The following TRIM8 variants were observed in gnomAD, a reference collection of about 807,000 sequenced individuals.
TRIM8 encodes tripartite motif containing 8.
A neutral mutation model predicts 55.7 loss-of-function variants in TRIM8; 9 were observed. The ratio of observed to expected loss-of-function variants is 0.16; its 90% confidence interval spans 0.10 to 0.28. The LOEUF is 0.28. TRIM8 is among the 10% of genes least tolerant of loss of function. The pLI is 1.00. For missense variants in TRIM8, 556 were observed against 736.4 expected, an observed-to-expected ratio of 0.76 and a Z score of 2.83; for synonymous variants, 335 against 333.3, an observed-to-expected ratio of 1.01 and a Z score of -0.06.
At chr10:102,655,973 A>C in intron 3 of TRIM8, 133 bp from the exon 4 acceptor site, 2 of 1,326,636 alleles carry the variant, frequency 1.5e-6, no homozygotes, top group Non-Finnish European at 2.2e-6. Flanking sequence ...TACCCCTGCC[A>C]CTTTCTGTCC....
chr10:102,654,409 C>T, intron 1 of TRIM8: 1 of 406,068 alleles, frequency 2.5e-6, no homozygotes, highest in Non-Finnish European at 4.5e-6. Flanking sequence ...TGCACTCCAG[C>T]CTGGGCAACA....
rs899209934 is a variant in TRIM8, at chr10:102,657,356, G to C, written c.*2G>C. The C allele has an allele frequency of 6.4e-7, 1 of 1,554,448 alleles. No individual in the cohort carries two copies. The highest frequency in any genetic ancestry group is 1.9e-5 in the Admixed American group (1 of 52,668). On this transcript the variant is annotated 3_prime_UTR_variant, in exon 6 of 6. Transcript: ENST00000643721. Reference sequence around the variant, plus strand: ...ACCAAACACTACGTGACGAGCTAACGCCACGCAGGCGGCGGGGCGCTGGGG... The same window carrying C: ...ACCAAACACTACGTGACGAGCTAACCCCACGCAGGCGGCGGGGCGCTGGGG...
At chr10:102,654,800 C>T in intron 2 of TRIM8, 52 bp downstream of exon 2, 1 of 1,369,146 alleles carries the variant, frequency 7.3e-7, no homozygotes, top group Non-Finnish European at 1.0e-6. Flanking sequence ...GAGCGCAGGG[C>T]TTTGGGTGAG....
intron 1 of TRIM8, among the ~76,000 whole-genome samples, chr10:102,647,458 T>G (rs924829843): frequency 6.6e-6 from 1 of 152,174 alleles, no homozygotes; most frequent in Non-Finnish European, 1.5e-5. Flanking sequence ...AACCCTTCAG[T>G]AGCCCAGTGT....
rs1299176592 is a variant in TRIM8, at chr10:102,656,450, C to T, written c.1048+65C>T. 21 of 1,552,802 alleles carry T rather than the reference C, an allele frequency of 1.4e-5. No individual in the cohort carries two copies. Among genetic ancestry groups the T allele is most frequent in the Non-Finnish European group, 1.8e-5 (21 of 1,147,080 alleles). Reference sequence around the variant, plus strand: ...TTGGGGAGGGGTTCAGCGCCACAGCCTTCCCTCCAAGAGGCAGTGTGGCCC... The same window carrying T: ...TTGGGGAGGGGTTCAGCGCCACAGCTTTCCCTCCAAGAGGCAGTGTGGCCC... On this transcript the variant is annotated intron_variant, in intron 5 of 5. Transcript: ENST00000643721. The surrounding 1 kb of genome is among the most constrained non-coding windows in gnomAD (Gnocchi z 4.6).
chr10:102,647,498 G>A (rs571122992), intron 1 of TRIM8, among the ~76,000 whole-genome samples: 1 of 152,322 alleles, frequency 6.6e-6, no homozygotes, highest in Non-Finnish European at 1.5e-5. Context: ...CTTATTGAAT[G>A]TGGAGGAATA....
Position 102,657,538 on chromosome 10 carries a change from G to T in TRIM8, c.*184G>T, listed in dbSNP as rs932029448. ...TTTGTTTTTGATTTTTTTTTATTAT[G>T]AATCTCCTGGACGCAGAGGTGACAG... On this transcript the variant is annotated 3_prime_UTR_variant, in exon 6 of 6. Transcript: ENST00000643721. 6.6e-6 allele frequency: 5 copies of T among 760,666 alleles called. No homozygotes were observed. Among genetic ancestry groups the T allele is most frequent in the African/African-American group, 3.6e-5 (2 of 56,186 alleles). The allele number at this position is 760,666 out of a possible 1,614,324, so 47.1% of individuals were successfully genotyped here.
chr10:102,656,799 C>A lies in TRIM8; in HGVS notation c.1101C>A (p.Cys367Ter), dbSNP rs41300235. 1 of 1,520,400 alleles carries A rather than the reference C, an allele frequency of 6.6e-7. No homozygotes were observed. The highest frequency in any genetic ancestry group is 1.4e-5 in the African/African-American group (1 of 71,854). 94.2% of individuals were successfully genotyped at this position (1,520,400 alleles called of 1,614,324 possible). The change falls in exon 6 of 6, where the codon TGC (cysteine) becomes TGA (stop). Residue 367 changes from cysteine (C) to a stop codon, truncating the protein, a stop_gained. Transcript: ENST00000643721. LOFTEE classifies it high-confidence loss of function. The surrounding 1 kb of genome is among the most constrained non-coding windows in gnomAD (Gnocchi z 4.6). ...TGCAGAGTGTCCCCCTGTACCCTTG[C>A]GGCGTGAGCAGCTCTGGGGCGGAAA... is the stretch of plus-strand genomic sequence containing the variant. ...PFLQSVPLYP[C>*]GVSSSGAEKR...
Position 102,657,410 on chromosome 10 carries a change from G to A in TRIM8, c.*56G>A, listed in dbSNP as rs1554859769. The A allele has an allele frequency of 2.6e-6, 4 of 1,514,818 alleles. No homozygotes were observed. The South Asian group carries it at 5.3e-5, about 20-fold the overall frequency. 93.8% of individuals were successfully genotyped at this position (1,514,818 alleles called of 1,614,324 possible). A position where few individuals can be genotyped will look rare whatever the true frequency, so the allele number is the denominator to read the frequency against. On this transcript the variant is annotated 3_prime_UTR_variant, in exon 6 of 6. Coordinates refer to ENST00000643721, the MANE Select transcript of TRIM8 (RefSeq NM_030912.3). ...CTTCCTCCCCAGCCCCCGGGCTCGG[G>A]AGTTATGCATCCAGAGACCTGCCCT...
intron 3 of TRIM8, 34 bp downstream of exon 3, chr10:102,655,347 C>T (rs748691224): frequency 6.3e-7 from 1 of 1,582,522 alleles, no homozygotes; most frequent in East Asian, 2.2e-5. Context: ...TGGTGGCACC[C>T]AGAGGGCCAT....
In TRIM8 at chr10:102,656,069, C is replaced by A. The variant is rs762539931; in HGVS notation, c.901-37C>A. The A allele has an allele frequency of 1.3e-5, 21 of 1,613,602 alleles. No homozygotes were observed. Among genetic ancestry groups the A allele is most frequent in the Non-Finnish European group, 1.7e-5 (20 of 1,179,900 alleles). The stretch of plus-strand genomic sequence containing the variant: ...TCTCCCCGGGCTCTCCCTGGACTGC[C>A]TTTTCCACTGACTTGACTCTTTTCT... On this transcript the variant is annotated intron_variant, in intron 3 of 5. Coordinates refer to ENST00000643721, the MANE Select transcript of TRIM8 (RefSeq NM_030912.3). This position sits in a 1 kb window ranked among gnomAD's most constrained non-coding sequence, Gnocchi z 4.6.
At chr10:102,651,649 G>C (rs2063985650) in intron 1 of TRIM8, among the ~76,000 whole-genome samples, 1 of 152,232 alleles carries the variant, frequency 6.6e-6, no homozygotes. Context: ...GATGTCCTGG[G>C]CACTGGATGG....
intron 1 of TRIM8, chr10:102,654,064 G>A (rs1431006680): frequency 1.3e-5 from 2 of 152,730 alleles, no homozygotes; most frequent in Non-Finnish European, 2.9e-5. Context: ...TTACTGGGAT[G>A]ATTAGATAAA....
chr10:102,644,727 G>T lies in TRIM8; in HGVS notation c.110G>T (p.Gly37Val), dbSNP rs756546690. The change falls in exon 1 of 6, where the codon GGC becomes GTC. Residue 37 changes from glycine to valine, a missense_variant. Gly to Val is a moderately radical substitution (Grantham distance 109). This residue lies in a region of TRIM8 where 165 missense variants were observed against 295.3 expected (regional missense o/e 0.56). Coordinates refer to ENST00000643721, the MANE Select transcript of TRIM8 (RefSeq NM_030912.3). The stretch of plus-strand genomic sequence containing the variant: ...CCGTGCAAACACAACTTCTGCCGGG[G>T]CTGCATCGGCGAGGCGTGGGCCAAG... ...QLPCKHNFCRGCIGEAWAKDS... is the reference protein window; with the variant it reads ...QLPCKHNFCRVCIGEAWAKDS... The T allele has an allele frequency of 8.1e-6, 13 of 1,613,390 alleles. No homozygotes were observed. Among genetic ancestry groups the T allele is most frequent in the Non-Finnish European group, 1.0e-5 (12 of 1,179,858 alleles).
Position 102,655,216 on chromosome 10 carries a change from A to G in TRIM8, c.803A>G (p.Gln268Arg). Residue 268 changes from glutamine (Q) to arginine (R), a missense_variant, in exon 3 of 6, where the codon CAG becomes CGG. This residue lies in a region of TRIM8 where 391 missense variants were observed against 441.0 expected (regional missense o/e 0.89). Coordinates refer to ENST00000643721, the MANE Select transcript of TRIM8 (RefSeq NM_030912.3). The part of the protein sequence containing the change: ...QAKFCSENAA[Q>R]ALHLGERMQE... ...AAGTTCTGCAGCGAGAACGCAGCGC[A>G]GGCGCTGCACCTCGGGGAGCGCATG... The G allele has an allele frequency of 6.2e-7, 1 of 1,607,252 alleles. No homozygotes were observed. The highest frequency in any genetic ancestry group is 8.5e-7 in the Non-Finnish European group (1 of 1,178,126).
At chr10:102,646,629 TG>T (rs1250707008) in intron 1 of TRIM8, among the ~76,000 whole-genome samples, 1 of 152,226 alleles carries the variant, frequency 6.6e-6, no homozygotes, top group Non-Finnish European at 1.5e-5. Flanking sequence ...GATAGGCCTC[TG>T]GTTTCTTAAA....
At chr10:102,647,613 G>A (rs138389516) in intron 1 of TRIM8, among the ~76,000 whole-genome samples, 1 of 152,180 alleles carries the variant, frequency 6.6e-6, no homozygotes, top group African/African-American at 2.4e-5. Context: ...GGGAGTGGGT[G>A]GAGCGCTCTT....
chr10:102,656,578 TG>T lies in TRIM8; in HGVS notation c.1049-165del. 1 of 1,306,178 alleles carries T rather than the reference TG, an allele frequency of 7.7e-7. No homozygotes were observed. The highest frequency in any genetic ancestry group is 1.0e-6 in the Non-Finnish European group (1 of 964,274). 80.9% of individuals were successfully genotyped at this position (1,306,178 alleles called of 1,614,324 possible). On this transcript the variant is annotated intron_variant, in intron 5 of 5. Transcript: ENST00000643721. This position sits in a 1 kb window ranked among gnomAD's most constrained non-coding sequence, Gnocchi z 4.6. Reference sequence around the variant, plus strand: ...CAGCCTCCATTTCTTCAGCTTAAAGTGGGGATATAACTATTCTGTACCTCCT... The same window carrying T: ...CAGCCTCCATTTCTTCAGCTTAAAGTGGGATATAACTATTCTGTACCTCCT...
At chr10:102,651,752 A>G (rs568724359) in intron 1 of TRIM8, among the ~76,000 whole-genome samples, 24 of 152,280 alleles carry the variant, frequency 1.6e-4, no homozygotes, top group Admixed American at 2.6e-4. Flanking sequence ...TTGAGGGCCA[A>G]TTGTTCCAGG....
Sources: gnomAD v4.1 joint callset for allele counts (sites outside exome capture counted in the v4.1 genomes callset) on GRCh38, gnomAD v4.1.1 for gene constraint, gnomAD v4.1.1 regional missense constraint, Gnocchi (gnomAD v3.1) non-coding constraint, MANE v1.5 for transcripts, NCBI Gene and HGNC (gene_info 2026-07-23, HGNC 2026-07-21) for gene names.